The following AGPS variants were observed in gnomAD, a reference collection of about 807,000 sequenced individuals.
The protein encoded by AGPS is alkyldihydroxyacetonephosphate synthase, peroxisomal.
AGPS carries 26 observed loss-of-function variants against 90.7 expected under a neutral mutation model. The ratio of observed to expected loss-of-function variants is 0.29; its 90% confidence interval spans 0.21 to 0.40. The LOEUF (loss-of-function observed/expected upper bound fraction) is 0.40. AGPS is among the 10% of genes least tolerant of loss of function. The probability of loss-of-function intolerance (pLI) is 1.00; values close to 1 mark genes in which losing one functional copy is unlikely to be tolerated. For missense variants in AGPS, 540 were observed against 816.1 expected (o/e 0.66, Z 4.12); for synonymous variants, 294 against 285.3 (o/e 1.03, Z -0.31).
intron 11 of AGPS, among the ~76,000 whole-genome samples, chr2:177,488,655 T>C (rs553459478): frequency 6.6e-6 from 1 of 152,296 alleles, no homozygotes; most frequent in Admixed American, 6.5e-5. Context: ...AATTTTTGTA[T>C]AGCACATGGA....
intron 8 of AGPS, among the ~76,000 whole-genome samples, chr2:177,460,911 G>T (rs1678191561): frequency 6.6e-6 from 1 of 152,174 alleles, no homozygotes; most frequent in African/African-American, 2.4e-5. Context: ...TAGAGAATTT[G>T]TATTGCTGAT....
chr2:177,406,242 T>G (rs534171200), intron 1 of AGPS, among the ~76,000 whole-genome samples: 1 of 152,382 alleles, frequency 6.6e-6, no homozygotes, highest in South Asian at 2.1e-4. Flanking sequence ...TTTAAATGAT[T>G]CTTCATTCTA....
chr2:177,452,130 T>G (rs1362098808), intron 8 of AGPS, among the ~76,000 whole-genome samples: 1 of 152,194 alleles, frequency 6.6e-6, no homozygotes, highest in East Asian at 1.9e-4. Flanking sequence ...ATGTTCCATG[T>G]GCACTTGCAA....
At chr2:177,430,847 AT>A in intron 2 of AGPS, among the ~76,000 whole-genome samples, 1 of 152,258 alleles carries the variant, frequency 6.6e-6, no homozygotes, top group South Asian at 2.1e-4. Flanking sequence ...AAATGTCACT[AT>A]TTTTGACTTT....
intron 5 of AGPS, among the ~76,000 whole-genome samples, chr2:177,438,983 TACACAC>T (rs1252168755): frequency 1.3e-5 from 2 of 150,066 alleles, no homozygotes; most frequent in Admixed American, 6.6e-5. Context: ...ATTCTTGCAA[TACACAC>T]ACACACACAC....
At chr2:177,399,332 G>C (rs1289101760) in intron 1 of AGPS, among the ~76,000 whole-genome samples, 1 of 152,122 alleles carries the variant, frequency 6.6e-6, no homozygotes, top group African/African-American at 2.4e-5. Flanking sequence ...ATCATGACTA[G>C]AGTCTACCGT....
At chr2:177,466,094 C>T (rs1223104349) in intron 9 of AGPS, among the ~76,000 whole-genome samples, 1 of 152,112 alleles carries the variant, frequency 6.6e-6, no homozygotes, top group Non-Finnish European at 1.5e-5. Flanking sequence ...CAGCTCTCAG[C>T]AGAGAGCCCA....
chr2:177,445,404 G>C, intron 7 of AGPS, 142 bp from the exon 8 acceptor site: 2 of 703,318 alleles, frequency 2.8e-6, no homozygotes, highest in East Asian at 5.4e-5. Flanking sequence ...AAGTGGACTT[G>C]GTTTCCAGTG....
intron 17 of AGPS, among the ~76,000 whole-genome samples, chr2:177,519,232 T>G (rs956478798): frequency 6.6e-6 from 1 of 152,210 alleles, no homozygotes; most frequent in Non-Finnish European, 1.5e-5. Context: ...TACTCTCCTT[T>G]GTTATCTCCT....
intron 4 of AGPS, 30 bp from the exon 5 acceptor site, chr2:177,436,950 G>A: frequency 6.2e-7 from 1 of 1,611,552 alleles, no homozygotes; most frequent in South Asian, 1.1e-5. Context: ...AGCTGTTTTT[G>A]TGTTTTTCTT....
intron 14 of AGPS, among the ~76,000 whole-genome samples, chr2:177,501,367 G>A (rs1402853105): frequency 1.3e-5 from 2 of 152,040 alleles, no homozygotes; most frequent in Non-Finnish European, 2.9e-5. Context: ...AGTTAGTAAT[G>A]TGTCACATTT....
intron 19 of AGPS, among the ~76,000 whole-genome samples, chr2:177,524,381 G>A (rs142927123): frequency 5.2e-4 from 79 of 152,168 alleles, no homozygotes; most frequent in Non-Finnish European, 9.6e-4. Flanking sequence ...GTCTATCTTT[G>A]TTACTAGCAT....
At chr2:177,395,781 T>C (rs976133897) in intron 1 of AGPS, among the ~76,000 whole-genome samples, 8 of 152,356 alleles carry the variant, frequency 5.3e-5, no homozygotes, top group East Asian at 3.9e-4. Context: ...GTAATTGTTT[T>C]ATCACATGGT....
At chr2:177,519,174 A>T (rs1327712620) in intron 17 of AGPS, among the ~76,000 whole-genome samples, 1 of 151,612 alleles carries the variant, frequency 6.6e-6, no homozygotes, top group Non-Finnish European at 1.5e-5. Flanking sequence ...TTTTCCCTTA[A>T]TCTTTTTGTT....
chr2:177,526,505 T>A (rs935455919), intron 19 of AGPS, among the ~76,000 whole-genome samples: 16 of 152,100 alleles, frequency 1.1e-4, no homozygotes, highest in Admixed American at 7.9e-4. Context: ...GCTTGTTATA[T>A]TTTTTGATAC....
At chr2:177,466,557 C>T (rs893432243) in intron 9 of AGPS, among the ~76,000 whole-genome samples, 2 of 152,230 alleles carry the variant, frequency 1.3e-5, no homozygotes, top group Non-Finnish European at 2.9e-5. Flanking sequence ...GTGCTAAGGG[C>T]CTCCTGCAGG....
At chr2:177,508,125 C>A in intron 16 of AGPS, 94 bp downstream of exon 16, 2 of 947,238 alleles carry the variant, frequency 2.1e-6, no homozygotes, top group Non-Finnish European at 3.4e-6. Context: ...AAGTTTAAAA[C>A]ATTTTATGAA....
chr2:177,405,781 T>G (rs1685453147), intron 1 of AGPS, among the ~76,000 whole-genome samples: 1 of 152,088 alleles, frequency 6.6e-6, no homozygotes, highest in Non-Finnish European at 1.5e-5. Context: ...TCATTTCTTC[T>G]GCATTTTCTT....
rs530654075 is a variant in AGPS at position 177,509,870 on chromosome 2, C to T, written c.1607+1839C>T. On this transcript the variant is annotated intron_variant, in intron 16 of 19. Coordinates refer to ENST00000264167, the MANE Select transcript of AGPS (RefSeq NM_003659.4). Reference sequence around the variant, plus strand: ...GAAACCAGTAAGGCAGACATTTTAACGGAGCTTGTTTTTTTCCACAGGACT... The same window carrying T: ...GAAACCAGTAAGGCAGACATTTTAATGGAGCTTGTTTTTTTCCACAGGACT... Among the ~76,000 whole-genome samples, 8 of 152,128 alleles carry T rather than the reference C, an allele frequency of 5.3e-5. No homozygotes were observed. In the South Asian group the frequency reaches 1.4e-3, roughly 28 times the overall value.
Sources: gnomAD v4.1 joint callset for allele counts (sites outside exome capture counted in the v4.1 genomes callset) on GRCh38, gnomAD v4.1.1 for gene constraint, MANE v1.5 for transcripts, NCBI Gene and HGNC (gene_info 2026-07-23, HGNC 2026-07-21) for gene names.